ADAMTSL3: variants seen among roughly 807,000 people sequenced by gnomAD.
ADAMTSL3 encodes the protein ADAMTS like 3, also known as ADAMTS-like protein 3.
In ADAMTSL3, 128 loss-of-function variants were observed where a neutral mutation model predicts 201.7. The ratio of observed to expected loss-of-function variants is 0.63; its 90% CI spans 0.55 to 0.73. The LOEUF (loss-of-function observed/expected upper bound fraction) is 0.73. Ranked by LOEUF, ADAMTSL3 falls within the 30% of genes least tolerant of loss-of-function variation. The pLI is 0.00. For synonymous variants in ADAMTSL3, 738 were observed against 748.4 expected, an observed-to-expected ratio of 0.99 and a Z score of 0.23; for missense variants, 1,990 against 2,119.6, an observed-to-expected ratio of 0.94 and a Z score of 1.20.
chr15:83,970,463 G>C, intron 19 of ADAMTSL3, 21 bp from the exon 20 acceptor site: 2 of 1,613,998 alleles, frequency 1.2e-6, no homozygotes, highest in South Asian at 2.2e-5. Context: ...ATTTGACTCT[G>C]TTGCACAACT....
At chr15:84,027,100 G>A (rs2068324505) in intron 27 of ADAMTSL3, among the ~76,000 whole-genome samples, 1 of 152,144 alleles carries the variant, frequency 6.6e-6, no homozygotes. Flanking sequence ...CTATCAGCAA[G>A]ATATGCAAAT....
chr15:83,831,900 G>T (rs2064164404), intron 6 of ADAMTSL3, among the ~76,000 whole-genome samples: 1 of 152,128 alleles, frequency 6.6e-6, no homozygotes, highest in Non-Finnish European at 1.5e-5. Context: ...AATGCGCAAG[G>T]ATATATGTTG....
At chr15:83,683,666 A>G (rs1056266794) in intron 2 of ADAMTSL3, among the ~76,000 whole-genome samples, 8 of 152,182 alleles carry the variant, frequency 5.3e-5, no homozygotes, top group Non-Finnish European at 1.0e-4. Context: ...GGACCTAAGT[A>G]GCAGAAAACA....
At chr15:83,854,070 AT>A (rs1443194025) in intron 7 of ADAMTSL3, among the ~76,000 whole-genome samples, 1 of 152,190 alleles carries the variant, frequency 6.6e-6, no homozygotes, top group Non-Finnish European at 1.5e-5. Context: ...GATCTTCTTC[AT>A]AACATCATCT....
chr15:83,971,476 G>A (rs1423210179), intron 20 of ADAMTSL3, among the ~76,000 whole-genome samples: 2 of 145,394 alleles, frequency 1.4e-5, no homozygotes, highest in Non-Finnish European at 3.0e-5. Context: ...AGAATCACTT[G>A]AACCTGGGAG....
chr15:84,022,227 G>A (rs569382550), intron 26 of ADAMTSL3, among the ~76,000 whole-genome samples: 80 of 151,726 alleles, frequency 5.3e-4, no homozygotes, highest in Non-Finnish European at 1.0e-4. Context: ...AGTCCAAGCC[G>A]TCATTTTTTC....
chr15:83,774,568 G>A (rs1053980942), intron 4 of ADAMTSL3, among the ~76,000 whole-genome samples: 3 of 152,188 alleles, frequency 2.0e-5, no homozygotes, highest in African/African-American at 4.8e-5. Flanking sequence ...GCCTGGGAAG[G>A]TTGCTGGAGG....
intron 23 of ADAMTSL3, among the ~76,000 whole-genome samples, chr15:83,992,697 A>C (rs556589226): frequency 6.6e-6 from 1 of 152,360 alleles, no homozygotes; most frequent in South Asian, 2.1e-4. Context: ...ATTGGAGTGC[A>C]TTATTTGCTA....
intron 7 of ADAMTSL3, among the ~76,000 whole-genome samples, chr15:83,840,440 G>A (rs754331287): frequency 9.2e-5 from 14 of 152,266 alleles, no homozygotes; most frequent in Non-Finnish European, 1.9e-4. Flanking sequence ...ATAGAGGGAA[G>A]GATTTGCTCA....
chr15:83,831,162 G>A (rs558661635), intron 6 of ADAMTSL3, among the ~76,000 whole-genome samples: 24 of 152,194 alleles, frequency 1.6e-4, no homozygotes, highest in African/African-American at 5.8e-4. Flanking sequence ...CTATCTCTAT[G>A]TTTTCCCCTC....
At chr15:83,930,923 G>A (rs2066343302) in intron 17 of ADAMTSL3, among the ~76,000 whole-genome samples, 1 of 152,120 alleles carries the variant, frequency 6.6e-6, no homozygotes. Context: ...ATTACCCCAG[G>A]GTGAAACTTA....
At chr15:83,801,460 G>A (rs76626423) in intron 4 of ADAMTSL3, among the ~76,000 whole-genome samples, 1 of 151,074 alleles carries the variant, frequency 6.6e-6, no homozygotes, top group East Asian at 2.0e-4. Flanking sequence ...AAATGGAGGA[G>A]GGAGAGTTTG....
At chr15:83,935,423 T>TA (rs2066444455) in intron 17 of ADAMTSL3, among the ~76,000 whole-genome samples, 1 of 151,916 alleles carries the variant, frequency 6.6e-6, no homozygotes, top group South Asian at 2.1e-4. Context: ...TGAAAAATGA[T>TA]AAAAAGGACT....
rs12595363 is a variant in ADAMTSL3 at position 83,800,033 on chromosome 15, A to C, written c.318-4617A>C. ...AATTGTAACCAAAGCAAGCCACATC[A>C]ATAGAGGCCAGTCACTGGATTTACT... On this transcript the variant is annotated intron_variant, in intron 4 of 29. Transcript: ENST00000286744. Among the ~76,000 whole-genome samples the C allele has an allele frequency of 3.5e-4, 53 of 152,186 alleles. 2 individuals are homozygous for C. In the East Asian group the frequency reaches 9.1e-3, roughly 26 times the overall value.
chr15:83,670,308 A>G (rs1186593109), intron 2 of ADAMTSL3, among the ~76,000 whole-genome samples: 1 of 151,648 alleles, frequency 6.6e-6, no homozygotes, highest in Non-Finnish European at 1.5e-5. Context: ...AGATGTTCAT[A>G]AATTATAGGA....
intron 9 of ADAMTSL3, among the ~76,000 whole-genome samples, chr15:83,873,162 G>A (rs2065113438): frequency 1.4e-5 from 2 of 143,830 alleles, no homozygotes; most frequent in South Asian, 4.3e-4. Flanking sequence ...AAAATAGCCG[G>A]ACGTGGTGGC....
At chr15:83,889,056 A>T (rs1229352950) in intron 10 of ADAMTSL3, among the ~76,000 whole-genome samples, 4 of 152,222 alleles carry the variant, frequency 2.6e-5, no homozygotes, top group African/African-American at 9.6e-5. Context: ...TGGTGACAGG[A>T]AACTTGGAAT....
chr15:83,948,818 T>A (rs573040372), intron 19 of ADAMTSL3, among the ~76,000 whole-genome samples: 1 of 152,254 alleles, frequency 6.6e-6, no homozygotes, highest in African/African-American at 2.4e-5. Flanking sequence ...AATTATGAGT[T>A]TTTTATTATG....
In ADAMTSL3 at chr15:83,890,195, G is replaced by T. The variant is rs780806165; in HGVS notation, c.1159G>T (p.Val387Leu). ...DHYCHYYPEN[V>L]KPKPKLKECS... is the part of the protein sequence containing the mutation. ...TTATTGTCACTACTACCCTGAAAAT[G>T]TAAAACCAAAACCAAAACTGAAGGA... Residue 387 changes from valine to leucine, a missense_variant, in exon 11 of 30, where the codon GTA becomes TTA. By Grantham distance (32) the Val-to-Leu change is conservative (BLOSUM62 1). Transcript: ENST00000286744. 6.2e-7 allele frequency: 1 copy of T among 1,613,902 alleles called. No individual in the cohort carries two copies. The highest frequency in any genetic ancestry group is 8.5e-7 in the Non-Finnish European group (1 of 1,179,924).
Sources: allele counts gnomAD v4.1 joint callset (sites outside exome capture counted in the v4.1 genomes callset), GRCh38; gene constraint gnomAD v4.1.1; transcripts MANE v1.5; gene names NCBI Gene and HGNC (gene_info 2026-07-23, HGNC 2026-07-21).